MID1: variants seen among roughly 807,000 people sequenced by gnomAD.
The protein encoded by MID1 is E3 ubiquitin-protein ligase Midline-1.
A neutral mutation model predicts 40.4 loss-of-function variants in MID1; 7 were observed. That is an observed-to-expected ratio of 0.17 (90% CI 0.10 to 0.33). MID1 has a LOEUF of 0.33. MID1 is among the 10% of genes least tolerant of loss of function. The probability of loss-of-function intolerance (pLI) is 1.00; values close to 1 mark genes in which losing one functional copy is unlikely to be tolerated. For synonymous variants in MID1, 229 were observed against 221.2 expected (o/e 1.04, Z -0.31); for missense variants, 367 against 558.5 (o/e 0.66, Z 3.46).
chrX:10,794,146 C>T (rs2043953231), intron 1 of MID1, among the ~76,000 whole-genome samples: 1 of 112,000 alleles, frequency 8.9e-6, no homozygotes, highest in Non-Finnish European at 1.9e-5. Flanking sequence ...CTGTGTTTTG[C>T]TAAATGATGA....
In MID1 at chrX:10,788,320, G is replaced by A. The variant is rs189499424; in HGVS notation, c.-187+45234C>T. On this transcript the variant is annotated intron_variant, in intron 1 of 10. Transcript: ENST00000380785. Reference sequence around the variant, plus strand: ...CCTTAATTAGAGTAATCACCAGTGAGAGAATGACTTAAGTTTCCTTGAATC... The same window carrying A: ...CCTTAATTAGAGTAATCACCAGTGAAAGAATGACTTAAGTTTCCTTGAATC... Among the ~76,000 whole-genome samples the A allele has an allele frequency of 3.8e-3, 428 of 111,913 alleles. 3 individuals carry two copies. The highest frequency in any genetic ancestry group is 6.2e-3 in the Non-Finnish European group (328 of 53,205).
At chrX:10,766,177 G>T (rs1482554747) in intron 1 of MID1, among the ~76,000 whole-genome samples, 1 of 111,711 alleles carries the variant, frequency 9.0e-6, no homozygotes, top group Non-Finnish European at 1.9e-5. Flanking sequence ...GGCCCCATCG[G>T]CTCTGCCTCT....
Position 10,533,391 on chromosome X carries a change from A to AAAAGAAAGAAAGAAAGAAAGAAAG in MID1, c.661-10228_661-10205dup, listed in dbSNP as rs748385663. On this transcript the variant is annotated intron_variant, in intron 2 of 9. Transcript: ENST00000317552. ...AAGAAAGAAAGAAAAAGAAAGAAAG[A>AAAAGAAAGAAAGAAAGAAAGAAAG]AAAGAAAGAAAGAAAGAAAGAAAGA... is the stretch of plus-strand genomic sequence containing the variant. Among the ~76,000 whole-genome samples, 77 of 55,071 alleles carry AAAAGAAAGAAAGAAAGAAAGAAAG rather than the reference A, an allele frequency of 1.4e-3. 1 individual carries two copies. The highest frequency in any genetic ancestry group is 5.8e-3 in the African/African-American group (74 of 12,820). 47.8% of individuals were successfully genotyped at this position (55,071 alleles called of 115,157 possible).
intron 2 of MID1, among the ~76,000 whole-genome samples, chrX:10,557,289 A>G (rs1222942963): frequency 8.9e-6 from 1 of 111,969 alleles, no homozygotes; most frequent in African/African-American, 3.2e-5. Flanking sequence ...ACAGCATGGT[A>G]AGGCATCATC....
intron 1 of MID1, among the ~76,000 whole-genome samples, chrX:10,805,136 T>C (rs745609585): frequency 9.1e-6 from 1 of 109,651 alleles, no homozygotes; most frequent in African/African-American, 3.3e-5. Context: ...TAGTTACATA[T>C]GTATACATGT....
intron 1 of MID1, among the ~76,000 whole-genome samples, chrX:10,752,560 C>G (rs975270321): frequency 2.7e-5 from 3 of 111,439 alleles, no homozygotes; most frequent in Non-Finnish European, 3.8e-5. Context: ...TGGTAGATAG[C>G]CCCAAATAGC....
At position 10,449,630 on chromosome X, in the gene MID1, T is replaced by C; in HGVS notation, c.1742A>G (p.Asn581Ser). Residue 581 changes from asparagine (N) to serine (S), a missense_variant, in exon 10 of 10, where the codon AAC becomes AGC. Coordinates refer to ENST00000317552, the MANE Select transcript of MID1 (RefSeq NM_000381.4). Reference protein sequence around the residue: ...NSASWALCRCNNNWVVRHNSK... With the variant: ...NSASWALCRCSNNWVVRHNSK... ...ATTGTGTCTCACCACCCAGTTATTG[T>C]TGCAGCGGCAGAGCGCCCAGGAAGC... The C allele has an allele frequency of 8.3e-7, 1 of 1,211,737 alleles. No individual in the cohort carries two copies. Among genetic ancestry groups the C allele is most frequent in the Non-Finnish European group, 1.1e-6 (1 of 895,469 alleles).
intron 1 of MID1, among the ~76,000 whole-genome samples, chrX:10,710,028 G>A (rs969875322): frequency 9.0e-6 from 1 of 111,623 alleles, no homozygotes; most frequent in Admixed American, 9.5e-5. Context: ...CGAATTTATG[G>A]GTCTAGCCAT....
intron 7 of MID1, among the ~76,000 whole-genome samples, chrX:10,461,802 A>G (rs1394386173): frequency 8.9e-6 from 1 of 112,461 alleles, no homozygotes. Context: ...AATCGTATCA[A>G]TTTCACTGCC....
Position 10,601,312 on chromosome X carries a change from G to GC in MID1, c.-57+18977dup, listed in dbSNP as rs772161769. Reference sequence around the variant, plus strand: ...CAGGCCGCCTATGTACCAAATCCAGGCCTCTGCCTGTTTTTGTGTGGCCCA... The same window carrying GC: ...CAGGCCGCCTATGTACCAAATCCAGGCCCTCTGCCTGTTTTTGTGTGGCCCA... On this transcript the variant is annotated intron_variant, in intron 1 of 9. Transcript: ENST00000317552. Among the ~76,000 whole-genome samples the GC allele has an allele frequency of 7.8e-4, 87 of 111,915 alleles. No homozygotes were observed. The Admixed American group carries it at 8.1e-3, about 10-fold the overall frequency.
At chrX:10,609,756 G>C (rs1180558098) in intron 1 of MID1, among the ~76,000 whole-genome samples, 48 of 77,689 alleles carry the variant, frequency 6.2e-4, no homozygotes, top group Non-Finnish European at 7.6e-4. Context: ...CTCGCACTTT[G>C]GCCCAGGCTG....
chrX:10,715,184 G>T (rs1334638578), intron 1 of MID1, among the ~76,000 whole-genome samples: 1 of 112,150 alleles, frequency 8.9e-6, no homozygotes, highest in Non-Finnish European at 1.9e-5. Flanking sequence ...ACTGGGGATT[G>T]TTGGACAGTG....
rs759841369 is a variant in MID1, at chrX:10,730,731, C to A, written c.-187+102823G>T. 6.2e-3 allele frequency among the ~76,000 whole-genome samples: 673 copies of A among 109,426 alleles called. 10 individuals are homozygous for A. Among genetic ancestry groups the A allele is most frequent in the African/African-American group, 0.021 (633 of 30,058 alleles). ...GGACTACAGGCGCCCGCCACCACGC[C>A]CGGCTAATTTTTTGTATTTTTTTTA... On this transcript the variant is annotated intron_variant, in intron 1 of 10. Transcript: ENST00000380785.
At chrX:10,521,745 A>G in intron 3 of MID1, among the ~76,000 whole-genome samples, 1 of 112,469 alleles carries the variant, frequency 8.9e-6, no homozygotes. Flanking sequence ...ATGCATTAAT[A>G]TACACCTGCA....
At chrX:10,814,318 T>C (rs944675467) in intron 1 of MID1, among the ~76,000 whole-genome samples, 1 of 111,636 alleles carries the variant, frequency 9.0e-6, no homozygotes, top group African/African-American at 3.3e-5. Context: ...CTACTGAATA[T>C]AGCTTGACAT....
chrX:10,618,218 C>T (rs1298703170), intron 1 of MID1, among the ~76,000 whole-genome samples: 1 of 112,341 alleles, frequency 8.9e-6, no homozygotes, highest in Admixed American at 9.4e-5. Flanking sequence ...TGATGACACA[C>T]AGGTCTGTTT....
chrX:10,785,644 G>A (rs1393342791), intron 1 of MID1, among the ~76,000 whole-genome samples: 6 of 110,702 alleles, frequency 5.4e-5, no homozygotes, highest in African/African-American at 2.0e-4. Flanking sequence ...ACAGAACAGA[G>A]CCCTCAGAAA....
At chrX:10,830,501 T>C (rs1288626963) in intron 1 of MID1, among the ~76,000 whole-genome samples, 4 of 112,733 alleles carry the variant, frequency 3.5e-5, no homozygotes, top group African/African-American at 1.3e-4. Flanking sequence ...TTTTGAAAGA[T>C]AATCGATGTC....
chrX:10,599,828 T>A (rs978810784), intron 1 of MID1, among the ~76,000 whole-genome samples: 6 of 112,343 alleles, frequency 5.3e-5, no homozygotes, highest in Admixed American at 1.9e-4. Context: ...TCTTCTATTA[T>A]CATAAGAACA....
Sources: gnomAD v4.1 joint callset for allele counts (sites outside exome capture counted in the v4.1 genomes callset) on GRCh38, gnomAD v4.1.1 for gene constraint, MANE v1.5 for transcripts, NCBI Gene and HGNC (gene_info 2026-07-23, HGNC 2026-07-21) for gene names.